HDAC9: variants seen among roughly 807,000 people sequenced by gnomAD.
HDAC9 encodes histone deacetylase 9, also known as MEF-2 interacting transcription repressor (MITR) protein.
A neutral mutation model predicts 139.4 loss-of-function variants in HDAC9; 41 were observed. That is an observed-to-expected ratio of 0.29 (90% CI 0.23 to 0.38). The LOEUF (loss-of-function observed/expected upper bound fraction) is 0.38, where lower values mean the gene tolerates loss of function less well. HDAC9 is among the 10% of genes least tolerant of loss of function. The probability of loss-of-function intolerance (pLI) is 1.00; values close to 1 mark genes in which losing one functional copy is unlikely to be tolerated. For missense variants in HDAC9, 1,147 were observed against 1,297.0 expected, an observed-to-expected ratio of 0.88 and a Z score of 1.78; for synonymous variants, 517 against 476.2, an observed-to-expected ratio of 1.09 and a Z score of -1.12.
At chr7:18,913,406 A>G (rs892413357) in intron 22 of HDAC9, among the ~76,000 whole-genome samples, 1 of 152,106 alleles carries the variant, frequency 6.6e-6, no homozygotes, top group Non-Finnish European at 1.5e-5. Flanking sequence ...ATACTTAAGG[A>G]ATCAGGCTAC....
At chr7:18,385,341 C>G (rs919745772) in intron 1 of HDAC9, among the ~76,000 whole-genome samples, 3 of 151,776 alleles carry the variant, frequency 2.0e-5, no homozygotes, top group Non-Finnish European at 4.4e-5. Flanking sequence ...CTTCTAAAAT[C>G]ATATCATTTT....
chr7:18,929,164 G>A (rs1474147561), intron 22 of HDAC9, among the ~76,000 whole-genome samples: 1 of 151,962 alleles, frequency 6.6e-6, no homozygotes, highest in Non-Finnish European at 1.5e-5. Flanking sequence ...AGCCTTCTTA[G>A]AGCAACTTTT....
At chr7:18,408,023 C>G (rs937037351) in intron 1 of HDAC9, among the ~76,000 whole-genome samples, 4 of 152,094 alleles carry the variant, frequency 2.6e-5, no homozygotes, top group African/African-American at 7.2e-5. Context: ...TTACATCGTA[C>G]TTACGTCGTG....
intron 16 of HDAC9, among the ~76,000 whole-genome samples, chr7:18,790,258 A>G (rs1452834249): frequency 6.6e-6 from 1 of 151,964 alleles, no homozygotes; most frequent in Non-Finnish European, 1.5e-5. Flanking sequence ...TGCCCTCAAA[A>G]TTTATGTACT....
intron 6 of HDAC9, among the ~76,000 whole-genome samples, chr7:18,624,596 C>G (rs1841127671): frequency 6.6e-6 from 1 of 152,030 alleles, no homozygotes; most frequent in South Asian, 2.1e-4. Context: ...CTCTCCCCAG[C>G]TAGTGATCTT....
rs375858323 is a variant in HDAC9 at position 18,992,853 on chromosome 7, A to G, written c.3171-3170A>G. On this transcript the variant is annotated intron_variant, in intron 25 of 25. Coordinates refer to ENST00000686413, the MANE Select transcript of HDAC9 (RefSeq NM_178425.4). ...GCTGGAGGGAAGCTTATGTCTTTCA[A>G]TTCGTTAAACCATTATACTAAAATT... 7.9e-5 allele frequency among the ~76,000 whole-genome samples: 12 copies of G among 152,332 alleles called. No individual in the cohort carries two copies. In the South Asian group the frequency reaches 2.1e-3, roughly 26 times the overall value.
intron 23 of HDAC9, among the ~76,000 whole-genome samples, chr7:18,945,868 C>G (rs911671567): frequency 6.6e-6 from 1 of 151,602 alleles, no homozygotes; most frequent in Non-Finnish European, 1.5e-5. Context: ...GAAACCCCAT[C>G]TCTACTAAAA....
chr7:18,883,318 A>G (rs1369314283), intron 22 of HDAC9, among the ~76,000 whole-genome samples: 1 of 152,120 alleles, frequency 6.6e-6, no homozygotes, highest in Non-Finnish European at 1.5e-5. Context: ...AAATTCAAAA[A>G]CACATTAAAA....
At chr7:18,667,897 C>T (rs535411179) in intron 12 of HDAC9, 94 of 982,534 alleles carry the variant, frequency 9.6e-5, no homozygotes, top group Admixed American at 3.7e-4. Context: ...GTTAAAGGTT[C>T]GTTGTATTAA....
At chr7:18,960,309 T>A (rs1204433042) in intron 24 of HDAC9, among the ~76,000 whole-genome samples, 1 of 152,152 alleles carries the variant, frequency 6.6e-6, no homozygotes, top group Non-Finnish European at 1.5e-5. Flanking sequence ...CTACTCCTTG[T>A]CAGAACTGTG....
chr7:18,392,307 T>TCA (rs1228263064), intron 1 of HDAC9, among the ~76,000 whole-genome samples: 3 of 137,512 alleles, frequency 2.2e-5, no homozygotes, highest in African/African-American at 9.6e-5. Context: ...TCTCTCTCTC[T>TCA]CTCTCTCTCA....
intron 12 of HDAC9, among the ~76,000 whole-genome samples, chr7:18,682,769 G>A (rs1391823729): frequency 6.6e-6 from 1 of 151,940 alleles, no homozygotes; most frequent in African/African-American, 2.4e-5. Flanking sequence ...GATCATTTGA[G>A]GTCAGGAGTT....
intron 2 of HDAC9, among the ~76,000 whole-genome samples, chr7:18,539,411 G>A (rs541592364): frequency 6.0e-4 from 92 of 152,308 alleles, no homozygotes; most frequent in African/African-American, 2.2e-3. Flanking sequence ...CAGATCAGAG[G>A]AGACAGCAAG....
In HDAC9 at chr7:18,329,525, G is replaced by A. The variant is rs150177238; in HGVS notation, c.-42+39010G>A. Among the ~76,000 whole-genome samples, 22 of 147,370 alleles carry A rather than the reference G, an allele frequency of 1.5e-4. No homozygotes were observed. In the East Asian group the frequency reaches 3.0e-3, roughly 20 times the overall value. On this transcript the variant is annotated intron_variant, in intron 1 of 3. Coordinates refer to the HDAC9 transcript ENST00000413509. ...CTTAAGAGTGAATGGAATAATTGTC[G>A]ATTAGTAAACAAAAGAAATGTCATC...
chr7:18,633,909 TTAAA>T (rs1294322202), intron 7 of HDAC9, among the ~76,000 whole-genome samples: 5 of 152,114 alleles, frequency 3.3e-5, no homozygotes, highest in Non-Finnish European at 5.9e-5. Flanking sequence ...AAAGGATGGG[TTAAA>T]TAAAGAATCT....
intron 2 of HDAC9, among the ~76,000 whole-genome samples, chr7:18,573,052 T>G (rs913650733): frequency 6.6e-6 from 1 of 152,220 alleles, no homozygotes; most frequent in African/African-American, 2.4e-5. Flanking sequence ...CCTACTGATA[T>G]TTTAGTCATT....
At chr7:18,405,755 C>G (rs1021907325) in intron 1 of HDAC9, among the ~76,000 whole-genome samples, 2 of 152,188 alleles carry the variant, frequency 1.3e-5, no homozygotes, top group African/African-American at 2.4e-5. Context: ...TAAAATAGTT[C>G]AAGTTCAGAT....
At chr7:18,527,184 T>A (rs573915434) in intron 2 of HDAC9, among the ~76,000 whole-genome samples, 1 of 152,232 alleles carries the variant, frequency 6.6e-6, no homozygotes, top group South Asian at 2.1e-4. Flanking sequence ...GAGAAAGGAC[T>A]AGGAAGTGGT....
chr7:18,281,674 G>T (rs1377497739), intron 2 of HDAC9, among the ~76,000 whole-genome samples: 2 of 152,190 alleles, frequency 1.3e-5, no homozygotes, highest in Non-Finnish European at 2.9e-5. Context: ...TTGTGCAGAA[G>T]TCTGTATTTT....
Sources: allele counts gnomAD v4.1 joint callset (sites outside exome capture counted in the v4.1 genomes callset), GRCh38; gene constraint gnomAD v4.1.1; transcripts MANE v1.5; gene names NCBI Gene and HGNC (gene_info 2026-07-23, HGNC 2026-07-21).